The following ACAP3 variants were observed in gnomAD, a reference collection of about 807,000 sequenced individuals.
ACAP3 encodes the protein ArfGAP with coiled-coil, ankyrin repeat and PH domains 3.
Under a neutral mutation model 104.1 loss-of-function variants are expected in ACAP3, and 56 were observed. The observed-to-expected ratio is 0.54, with a 90% CI of 0.43 to 0.67. The LOEUF (loss-of-function observed/expected upper bound fraction) is 0.67. Ranked by LOEUF, ACAP3 falls within the 30% of genes least tolerant of loss-of-function variation. The probability of loss-of-function intolerance (pLI) is 0.00; values close to 1 mark genes in which losing one functional copy is unlikely to be tolerated. For missense variants in ACAP3, 1,208 were observed against 1,174.9 expected (o/e 1.03, Z -0.41); for synonymous variants, 628 against 496.2 (o/e 1.27, Z -3.53).
Position 1,303,725 on chromosome 1 carries a change from G to A in ACAP3, c.105+361C>T, listed in dbSNP as rs538647033. ...TCATGGACACGGCTCCCCCCTCCAC[G>A]GCCTGTTGCCCCCTCCCCTTTCTCA... On this transcript the variant is annotated intron_variant, in intron 2 of 23. Coordinates refer to ENST00000354700, the MANE Select transcript of ACAP3 (RefSeq NM_030649.3). The surrounding 1 kb of genome is among the most constrained non-coding windows in gnomAD (Gnocchi z 4.0). 94 of 360,766 alleles carry A rather than the reference G, an allele frequency of 2.6e-4. 1 individual carries two copies. In the East Asian group the frequency reaches 5.0e-3, roughly 19 times the overall value. 22.3% of individuals were successfully genotyped at this position (360,766 alleles called of 1,614,324 possible).
At position 1,303,069 on chromosome 1, in the gene ACAP3, G is replaced by C. The variant is rs746116863; in HGVS notation, c.225+93C>G. The C allele has an allele frequency of 6.4e-7, 1 of 1,551,394 alleles. No individual in the cohort carries two copies. On this transcript the variant is annotated intron_variant, in intron 3 of 23. Coordinates refer to ENST00000354700, the MANE Select transcript of ACAP3 (RefSeq NM_030649.3). This position sits in a 1 kb window ranked among gnomAD's most constrained non-coding sequence, Gnocchi z 4.0. ...TGAGCCCCTGGGCGGTGCAGACACCGGCCTGCTTCTGGCCTGGACGCCCTC... is the reference window on the plus strand; with the variant it reads ...TGAGCCCCTGGGCGGTGCAGACACCCGCCTGCTTCTGGCCTGGACGCCCTC...
In ACAP3 at chr1:1,297,771, G is replaced by A. The variant is rs368880856; in HGVS notation, c.1128+51C>T. ...CAGGCGCGGGGCAGGGGCCATCCCC[G>A]GTGGCACGTGTGTGTGCACGGGCTT... On this transcript the variant is annotated intron_variant, in intron 14 of 23. Transcript: ENST00000354700. 1.1e-3 allele frequency: 1,673 copies of A among 1,557,574 alleles called. 18 individuals are homozygous for A. The highest frequency in any genetic ancestry group is 3.9e-4 in the Non-Finnish European group (441 of 1,138,256).
intron 14 of ACAP3, among the ~76,000 whole-genome samples, chr1:1,296,902 C>G (rs1337009456): frequency 6.6e-6 from 1 of 152,168 alleles, no homozygotes; most frequent in Non-Finnish European, 1.5e-5. Flanking sequence ...CACACCCTCA[C>G]GTGGGCAGAT....
rs563840123 is a variant in ACAP3, at chr1:1,296,482, C to T, written c.1280G>A (p.Arg427His). The change falls in exon 15 of 24, where the codon CGC (arginine) becomes CAC (histidine). Residue 427 changes from arginine to histidine, a missense_variant. Coordinates refer to ENST00000354700, the MANE Select transcript of ACAP3 (RefSeq NM_030649.3). ...QCGDCGQPDPRWASINLGVLL... is the reference protein window; with the variant it reads ...QCGDCGQPDPHWASINLGVLL... Reference sequence around the variant, plus strand: ...CACGCCCAGGTTGATGCTGGCCCAGCGGGGGTCCGGCTGGCCGCAGTCGCC... The same window carrying T: ...CACGCCCAGGTTGATGCTGGCCCAGTGGGGGTCCGGCTGGCCGCAGTCGCC... 4.7e-4 allele frequency: 721 copies of T among 1,544,208 alleles called. No homozygotes were observed. The highest frequency in any genetic ancestry group is 5.8e-4 in the Non-Finnish European group (664 of 1,147,082).
chr1:1,294,931 C>G, intron 19 of ACAP3, 115 bp from the exon 20 acceptor site: 1 of 1,000,820 alleles, frequency 1.0e-6, no homozygotes, highest in Admixed American at 2.7e-5. Flanking sequence ...AGGGACAGGA[C>G]CAGCTCCCAC....
chr1:1,295,448 G>T lies in ACAP3; in HGVS notation c.1812C>A (p.Arg604=), dbSNP rs1270544973. ...FDAGAAGAGP[R]SLSSDSGLGG... is the part of the protein sequence containing the mutation. ...TGGCTGGGCCCACCCCACACTTACT[G>T]CGAGGGCCAGCCCCTGCGGCCCCTG... The change falls in exon 19 of 24, where the codon CGC becomes CGA. Residue 604 remains arginine (R), a splice_region_variant and synonymous_variant. Transcript: ENST00000354700. The T allele has an allele frequency of 2.5e-6, 4 of 1,612,300 alleles. No homozygotes were observed. The highest frequency in any genetic ancestry group is 2.2e-5 in the South Asian group (2 of 91,074).
chr1:1,300,140 C>G lies in ACAP3; in HGVS notation c.567+18G>C. 1 of 1,609,488 alleles carries G rather than the reference C, an allele frequency of 6.2e-7. No individual in the cohort carries two copies. The highest frequency in any genetic ancestry group is 8.5e-7 in the Non-Finnish European group (1 of 1,177,902). ...CCAACATGCAGCCTGTGCTCAGGGGCAGCCCCCACGCACTCACAGAGTCCA... is the reference window on the plus strand; with the variant it reads ...CCAACATGCAGCCTGTGCTCAGGGGGAGCCCCCACGCACTCACAGAGTCCA... On this transcript the variant is annotated intron_variant, in intron 7 of 23. Coordinates refer to ENST00000354700, the MANE Select transcript of ACAP3 (RefSeq NM_030649.3).
At position 1,303,630 on chromosome 1, in the gene ACAP3, A is replaced by G. The variant is rs1040930111; in HGVS notation, c.106-349T>C. The G allele has an allele frequency of 2.4e-6, 1 of 415,238 alleles. No individual in the cohort carries two copies. Among genetic ancestry groups the G allele is most frequent in the African/African-American group, 2.1e-5 (1 of 46,908 alleles). The allele number at this position is 415,238 out of a possible 1,614,324, so 25.7% of individuals were successfully genotyped here. A position where few individuals can be genotyped will look rare whatever the true frequency, so the allele number is the denominator to read the frequency against. On this transcript the variant is annotated intron_variant, in intron 2 of 23. Transcript: ENST00000354700. This position sits in a 1 kb window ranked among gnomAD's most constrained non-coding sequence, Gnocchi z 4.0. ...GTTGCCCCCTCCTCTTTCTCAGCCC[A>G]TGTGGGGCTCATGGACACGGCTCCC... is the stretch of plus-strand genomic sequence containing the variant.
At position 1,302,952 on chromosome 1, in the gene ACAP3, G is replaced by A. The variant is rs765637490; in HGVS notation, c.249C>T (p.Asp83=). ...GGTAGTTCACCACCTCCTGTAGGCT[G>A]TCAGCGAACCTCTGCAGACATTCCT... The part of the protein sequence containing the change: ...VISECLQRFA[D]SLQEVVNYHM... The change falls in exon 4 of 24, where the codon GAC becomes GAT. Residue 83 remains aspartate (D), a synonymous_variant. Transcript: ENST00000354700. The A allele has an allele frequency of 1.9e-6, 3 of 1,611,656 alleles. No homozygotes were observed. The highest frequency in any genetic ancestry group is 2.5e-6 in the Non-Finnish European group (3 of 1,179,406).
chr1:1,298,014 T>C lies in ACAP3; in HGVS notation c.1015A>G (p.Lys339Glu). The change falls in exon 13 of 24, where the codon AAG becomes GAG. Residue 339 changes from lysine to glutamate, a missense_variant and splice_region_variant. Transcript: ENST00000354700. ...CCACCCTGGGCTGGGCCTCCTCACT[T>C]GGTGGGTGACAGCACCTCGAAGCAG... ...RFCFEVLSPT[K>E]SCMLQADSEK... is the part of the protein sequence containing the mutation. The C allele has an allele frequency of 6.2e-7, 1 of 1,611,824 alleles. No homozygotes were observed. The highest frequency in any genetic ancestry group is 8.5e-7 in the Non-Finnish European group (1 of 1,179,528).
rs1401586520 is a variant in ACAP3, at chr1:1,302,992, G to A, written c.226-17C>T. Reference sequence around the variant, plus strand: ...CAGACATTCCTGGAGGAGCAGATGGGAACCCGTGCTGAGATGGCAAATCCG... The same window carrying A: ...CAGACATTCCTGGAGGAGCAGATGGAAACCCGTGCTGAGATGGCAAATCCG... On this transcript the variant is annotated splice_polypyrimidine_tract_variant and intron_variant, in intron 3 of 23. Coordinates refer to ENST00000354700, the MANE Select transcript of ACAP3 (RefSeq NM_030649.3). 2 of 1,607,102 alleles carry A rather than the reference G, an allele frequency of 1.2e-6. No individual in the cohort carries two copies. The highest frequency in any genetic ancestry group is 1.7e-6 in the Non-Finnish European group (2 of 1,176,860).
Position 1,293,960 on chromosome 1 carries a change from TCGGGG to T in ACAP3, c.2250-32_2250-28del, listed in dbSNP as rs760863854. 5,110 of 1,048,406 alleles carry T rather than the reference TCGGGG, an allele frequency of 4.9e-3. 12 individuals are homozygous for T. Among genetic ancestry groups the T allele is most frequent in the Non-Finnish European group, 6.3e-3 (4,490 of 713,352 alleles). 64.9% of individuals were successfully genotyped at this position (1,048,406 alleles called of 1,614,324 possible). ...TGAGGGGCGAGGTCGGAGGGGCGTG[TCGGGG>T]CGGGGCGGGGCGGGGCGAGTGTGGT... On this transcript the variant is annotated intron_variant, in intron 22 of 23. Coordinates refer to ENST00000354700, the MANE Select transcript of ACAP3 (RefSeq NM_030649.3).
At position 1,300,000 on chromosome 1, in the gene ACAP3, G is replaced by A. The variant is rs1009303232; in HGVS notation, c.636C>T (p.Asp212=). 9.3e-6 allele frequency: 15 copies of A among 1,612,110 alleles called. No homozygotes were observed. In the Middle Eastern group the frequency reaches 6.6e-4, roughly 71 times the overall value. The change falls in exon 8 of 24, where the codon GAC becomes GAT. Residue 212 remains aspartate (D), a synonymous_variant. Transcript: ENST00000354700. ...CGGCTGCCAGCTTCTTCATGTAGGG[G>A]TCCAGCTGGTGCAGGAGGCTGTAGC... ...QQGYSLLHQL[D]PYMKKLAAEL...
rs1641531534 is a variant in ACAP3, at chr1:1,303,264, A to G, written c.123T>C (p.Ser41=). The G allele has an allele frequency of 1.3e-6, 2 of 1,594,328 alleles. No individual in the cohort carries two copies. The highest frequency in any genetic ancestry group is 4.5e-5 in the East Asian group (2 of 43,962). Residue 41 remains serine (S), a synonymous_variant, in exon 3 of 24, where the codon AGT becomes AGC. Transcript: ENST00000354700. This position sits in a 1 kb window ranked among gnomAD's most constrained non-coding sequence, Gnocchi z 4.0. The part of the protein sequence containing the change: ...AKLDKLVKLC[S]GMVEAGKAYV... ...AGGCCTTACCGGCTTCCACCATGCC[A>G]CTGCACAGCTTCACCAGCTGTGGGC...
At chr1:1,307,738 G>A in intron 1 of ACAP3, 31 bp downstream of exon 1, 1 of 1,091,580 alleles carries the variant, frequency 9.2e-7, no homozygotes, top group Non-Finnish European at 1.1e-6. Flanking sequence ...CCCCCGGCCT[G>A]CGCCCACCCC....
chr1:1,307,061 C>T (rs943944912), intron 1 of ACAP3: 9 of 747,432 alleles, frequency 1.2e-5, no homozygotes, highest in Non-Finnish European at 1.8e-5. Flanking sequence ...GGGCCTCACG[C>T]AGGTGCGCAC....
intron 14 of ACAP3, among the ~76,000 whole-genome samples, chr1:1,297,389 A>G (rs1291964782): frequency 2.8e-4 from 4 of 14,058 alleles, no homozygotes; most frequent in African/African-American, 4.0e-4. Flanking sequence ...GTGTGTGCAC[A>G]GGCACGGGGC....
rs1640898988 is a variant in ACAP3, at chr1:1,292,856, CATGAG to C, written c.*703_*707del. 1 of 152,328 alleles carries C rather than the reference CATGAG, an allele frequency of 6.6e-6. No individual in the cohort carries two copies. Among genetic ancestry groups the C allele is most frequent in the Non-Finnish European group, 1.5e-5 (1 of 68,088 alleles). The allele number at this position is 152,328 out of a possible 1,614,324, so 9.4% of individuals were successfully genotyped here. A position where few individuals can be genotyped will look rare whatever the true frequency, so the allele number is the denominator to read the frequency against. On this transcript the variant is annotated 3_prime_UTR_variant, in exon 24 of 24. Transcript: ENST00000354700. ...AACCCACTCGGTCCGCTACAAAGAA[CATGAG>C]ATGAGGGCTGCAAAGTGGCAAAGTG...
chr1:1,293,360 C>T lies in ACAP3; in HGVS notation c.*204G>A, dbSNP rs1172541332. On this transcript the variant is annotated 3_prime_UTR_variant, in exon 24 of 24. Transcript: ENST00000354700. Reference sequence around the variant, plus strand: ...GACACCCGACGATGCAGCACCCCCCCAGGGAAACGTGAGGCTTCAAGAGAC... The same window carrying T: ...GACACCCGACGATGCAGCACCCCCCTAGGGAAACGTGAGGCTTCAAGAGAC... The T allele has an allele frequency of 4.8e-6, 2 of 419,124 alleles. No individual in the cohort carries two copies. The highest frequency in any genetic ancestry group is 7.6e-6 in the Non-Finnish European group (2 of 264,082). The allele number at this position is 419,124 out of a possible 1,614,324, so 26.0% of individuals were successfully genotyped here.
Sources: gnomAD v4.1 joint callset for allele counts (sites outside exome capture counted in the v4.1 genomes callset) on GRCh38, gnomAD v4.1.1 for gene constraint, Gnocchi (gnomAD v3.1) non-coding constraint, MANE v1.5 for transcripts, NCBI Gene and HGNC (gene_info 2026-07-23, HGNC 2026-07-21) for gene names.